Variants in AMD1 observed in about 807,000 individuals in gnomAD.
The protein encoded by AMD1 is S-adenosylmethionine decarboxylase proenzyme.
Under a neutral mutation model 40.2 loss-of-function variants are expected in AMD1, and 11 were observed. The observed-to-expected ratio is 0.27, with a 90% CI of 0.17 to 0.45. The LOEUF (loss-of-function observed/expected upper bound fraction) is 0.45, where lower values mean the gene tolerates loss of function less well. Among genes scored for constraint, AMD1 ranks in the 20% least tolerant of loss-of-function variants. The pLI, the probability that AMD1 is intolerant of heterozygous loss-of-function variation, is 1.00. For missense variants in AMD1, 257 were observed against 410.2 expected (o/e 0.63, Z 3.23); for synonymous variants, 121 against 130.8 (o/e 0.93, Z 0.51).
Position 110,895,685 on chromosome 6 carries a change from A to C in AMD1, c.*2069A>C, listed in dbSNP as rs547055071. 3 of 152,760 alleles carry C rather than the reference A, an allele frequency of 2.0e-5. No homozygotes were observed. Among genetic ancestry groups the C allele is most frequent in the Admixed American group, 1.3e-4 (2 of 15,294 alleles). 9.5% of individuals were successfully genotyped at this position (152,760 alleles called of 1,614,324 possible). Reference sequence around the variant, plus strand: ...TGTACCACAATTTACGCTTCAATAAAAGTTTAATTGTCTAGTGACATTCAG... The same window carrying C: ...TGTACCACAATTTACGCTTCAATAACAGTTTAATTGTCTAGTGACATTCAG... On this transcript the variant is annotated 3_prime_UTR_variant, in exon 9 of 9. Transcript: ENST00000368885.
At chr6:110,838,814 G>A in the AMD1 span, among the ~76,000 whole-genome samples, 6 of 152,144 alleles carry the variant, frequency 3.9e-5, no homozygotes, top group African/African-American at 7.2e-5. Flanking sequence ...AGCTGAGGTC[G>A]CATCATTGCA....
At chr6:110,843,377 T>C in the AMD1 span, among the ~76,000 whole-genome samples, 1 of 147,996 alleles carries the variant, frequency 6.8e-6, no homozygotes, top group Non-Finnish European at 1.5e-5. Flanking sequence ...GGCAGGAGAA[T>C]CGCTAGAACC....
At chr6:110,814,664 GC>G in the AMD1 span, 5 of 511,734 alleles carry the variant, frequency 9.8e-6, no homozygotes, top group Non-Finnish European at 1.9e-5. Flanking sequence ...AGCTCTGCCT[GC>G]CCGCTGCGTT....
chr6:110,842,279 A>G, the AMD1 span, among the ~76,000 whole-genome samples: 1 of 152,228 alleles, frequency 6.6e-6, no homozygotes, highest in Non-Finnish European at 1.5e-5. Flanking sequence ...CAGGCTTGGA[A>G]GATAAAGATG....
the AMD1 span, chr6:110,814,635 A>T: frequency 2.1e-6 from 1 of 481,168 alleles, no homozygotes; most frequent in Middle Eastern, 3.1e-4. Context: ...CCAGGGCCGG[A>T]GCGGCAACTC....
At chr6:110,867,137 TTTTTC>T in the AMD1 span, among the ~76,000 whole-genome samples, 1 of 61,964 alleles carries the variant, frequency 1.6e-5, no homozygotes, top group East Asian at 2.2e-4. Context: ...AAACAATTAC[TTTTTC>T]TTTTCTTTTT....
At chr6:110,877,605 T>A (rs1156771602) in intron 1 of AMD1, among the ~76,000 whole-genome samples, 1 of 152,264 alleles carries the variant, frequency 6.6e-6, no homozygotes, top group African/African-American at 2.4e-5. Flanking sequence ...ATTTAATAGC[T>A]GTGTGAGCTG....
the AMD1 span, among the ~76,000 whole-genome samples, chr6:110,851,031 T>C: frequency 6.6e-6 from 1 of 152,116 alleles, no homozygotes; most frequent in Non-Finnish European, 1.5e-5. Flanking sequence ...TGGTGCAATC[T>C]TGGTTCACTG....
At chr6:110,819,052 T>C in the AMD1 span, among the ~76,000 whole-genome samples, 38 of 152,188 alleles carry the variant, frequency 2.5e-4, no homozygotes, top group African/African-American at 8.9e-4. Flanking sequence ...GCTATTGCAA[T>C]AGGACGGTAA....
the AMD1 span, among the ~76,000 whole-genome samples, chr6:110,839,783 T>G: frequency 6.6e-6 from 1 of 152,124 alleles, no homozygotes; most frequent in Non-Finnish European, 1.5e-5. Context: ...AATTGGAGCT[T>G]AGGCTATTGT....
At chr6:110,844,233 A>C in the AMD1 span, among the ~76,000 whole-genome samples, 20 of 151,426 alleles carry the variant, frequency 1.3e-4, no homozygotes, top group Non-Finnish European at 2.8e-4. Flanking sequence ...ACTTCAAAAA[A>C]AAAGAAAGAA....
intron 2 of AMD1, chr6:110,888,181 G>A (rs1346660306): frequency 5.3e-5 from 8 of 152,166 alleles, no homozygotes; most frequent in African/African-American, 1.9e-4. Flanking sequence ...TACAAATACA[G>A]TTGTCTAATT....
At chr6:110,892,869 A>C (rs992958026) in intron 7 of AMD1, 41 bp from the exon 8 acceptor site, 1 of 1,613,404 alleles carries the variant, frequency 6.2e-7, no homozygotes, top group African/African-American at 1.3e-5. Context: ...TTAAATGTGA[A>C]TAGTCTTTCC....
At chr6:110,847,594 A>G in the AMD1 span, among the ~76,000 whole-genome samples, 2 of 152,128 alleles carry the variant, frequency 1.3e-5, no homozygotes, top group Non-Finnish European at 1.5e-5. Flanking sequence ...AACTGATTGA[A>G]TAAGGTCCAC....
At chr6:110,828,791 A>G in the AMD1 span, among the ~76,000 whole-genome samples, 1 of 152,216 alleles carries the variant, frequency 6.6e-6, no homozygotes, top group Admixed American at 6.5e-5. Context: ...CTCATGGTCT[A>G]AGGTGAGCTC....
At chr6:110,824,452 A>C in the AMD1 span, among the ~76,000 whole-genome samples, 1 of 152,184 alleles carries the variant, frequency 6.6e-6, no homozygotes, top group Non-Finnish European at 1.5e-5. Context: ...AAGAGATAAA[A>C]AATGACATAT....
chr6:110,866,018 C>G, the AMD1 span, among the ~76,000 whole-genome samples: 1 of 152,192 alleles, frequency 6.6e-6, no homozygotes, highest in Non-Finnish European at 1.5e-5. Context: ...CCGCCTCGGC[C>G]TCCCAAAGTG....
At chr6:110,816,756 C>A in the AMD1 span, among the ~76,000 whole-genome samples, 8 of 152,122 alleles carry the variant, frequency 5.3e-5, no homozygotes, top group African/African-American at 1.9e-4. Context: ...AAGCCCCAAA[C>A]CCCACTTTTG....
the AMD1 span, chr6:110,858,786 C>A: frequency 1.3e-6 from 1 of 765,592 alleles, no homozygotes. Context: ...GGCATGACCG[C>A]GTACAGCACA....
Sources: gnomAD v4.1 joint callset for allele counts (sites outside exome capture counted in the v4.1 genomes callset) on GRCh38, gnomAD v4.1.1 for gene constraint, MANE v1.5 for transcripts, NCBI Gene and HGNC (gene_info 2026-07-23, HGNC 2026-07-21) for gene names.